The following MYO1E variants were observed in gnomAD, a reference collection of about 807,000 sequenced individuals.
MYO1E encodes the protein unconventional myosin-Ie.
MYO1E carries 68 observed loss-of-function variants against 151.1 expected under a neutral mutation model. The ratio of observed to expected loss-of-function variants is 0.45; its 90% confidence interval spans 0.37 to 0.55. The LOEUF is 0.55. MYO1E is among the 20% of genes least tolerant of loss of function. The probability of loss-of-function intolerance (pLI) is 0.00; values close to 1 mark genes in which losing one functional copy is unlikely to be tolerated. For synonymous variants in MYO1E, 601 were observed against 501.7 expected, an observed-to-expected ratio of 1.20 and a Z score of -2.64; for missense variants, 1,363 against 1,389.3, an observed-to-expected ratio of 0.98 and a Z score of 0.30.
chr15:59,231,653 TCAA>T, intron 6 of MYO1E, 46 bp downstream of exon 6: 1 of 1,579,162 alleles, frequency 6.3e-7, no homozygotes, highest in Middle Eastern at 1.7e-4. Flanking sequence ...GTCAGAAGCA[TCAA>T]CATCATCAAT....
chr15:59,292,976 A>C (rs1388713018), intron 1 of MYO1E, among the ~76,000 whole-genome samples: 1 of 152,132 alleles, frequency 6.6e-6, no homozygotes, highest in East Asian at 1.9e-4. Context: ...CGGCTCATAA[A>C]CTGTTTAAGC....
intron 12 of MYO1E, among the ~76,000 whole-genome samples, chr15:59,211,871 C>T (rs1355404377): frequency 6.6e-6 from 1 of 152,124 alleles, no homozygotes; most frequent in African/African-American, 2.4e-5. Flanking sequence ...ATGTCTAGCG[C>T]AGTCTCCTGC....
intron 2 of MYO1E, among the ~76,000 whole-genome samples, chr15:59,268,641 T>C (rs1174468899): frequency 2.0e-5 from 3 of 148,880 alleles, no homozygotes; most frequent in African/African-American, 4.9e-5. Flanking sequence ...TGCATGGCCA[T>C]ATGTGGTTAA....
intron 1 of MYO1E, among the ~76,000 whole-genome samples, chr15:59,279,204 C>T (rs1433967960): frequency 4.6e-5 from 7 of 152,136 alleles, no homozygotes; most frequent in African/African-American, 7.2e-5. Flanking sequence ...CCAATATCAT[C>T]GTTAAGTCCA....
chr15:59,371,740 GA>G (rs2140448088), intron 1 of MYO1E, among the ~76,000 whole-genome samples: 1 of 152,236 alleles, frequency 6.6e-6, no homozygotes, highest in East Asian at 1.9e-4. Context: ...TCGCGCTTGG[GA>G]AGGGGTGGGG....
At chr15:59,242,400 G>A (rs1015535566) in intron 4 of MYO1E, among the ~76,000 whole-genome samples, 64 of 152,242 alleles carry the variant, frequency 4.2e-4, no homozygotes, top group African/African-American at 1.5e-3. Context: ...CAGCTGGAAG[G>A]GGTTCCCACT....
In MYO1E at chr15:59,272,380, C is replaced by T. The variant is rs770670577; in HGVS notation, c.73G>A (p.Val25Met). ...NVKHSGVDDM[V>M]LLSKITENSI... ...TTCTCTGTGATCTTGGACAGTAGCA[C>T]CATGTCGTCCACACCACTGTGCTTG... The change falls in exon 2 of 28, where the codon GTG (valine) becomes ATG (methionine). Residue 25 changes from valine (V) to methionine (M), a missense_variant. By Grantham distance (21) the Val-to-Met change is conservative. Transcript: ENST00000288235. 19 of 1,614,048 alleles carry T rather than the reference C, an allele frequency of 1.2e-5. No homozygotes were observed. The highest frequency in any genetic ancestry group is 2.2e-5 in the East Asian group (1 of 44,894).
At chr15:59,200,934 C>T (rs898609379) in intron 16 of MYO1E, among the ~76,000 whole-genome samples, 12 of 152,050 alleles carry the variant, frequency 7.9e-5, no homozygotes, top group Admixed American at 4.6e-4. Context: ...CGAACACAGG[C>T]GAGCAAACTC....
At chr15:59,360,354 AG>A (rs1312769374) in intron 1 of MYO1E, among the ~76,000 whole-genome samples, 2 of 151,728 alleles carry the variant, frequency 1.3e-5, no homozygotes, top group Admixed American at 6.6e-5. Context: ...CTTTCAACCA[AG>A]GGGAAAAAAA....
chr15:59,205,241 C>G (rs1017572593), intron 15 of MYO1E, among the ~76,000 whole-genome samples, 159 bp downstream of exon 15: 6 of 152,128 alleles, frequency 3.9e-5, no homozygotes, highest in Admixed American at 6.5e-5. Context: ...CAGCTCAGTG[C>G]AGCCTCAAAC....
intron 1 of MYO1E, among the ~76,000 whole-genome samples, chr15:59,321,258 T>G (rs1156740947): frequency 1.3e-5 from 2 of 152,234 alleles, no homozygotes; most frequent in Non-Finnish European, 2.9e-5. Flanking sequence ...TCAGTCACTG[T>G]GGAAAGCAGC....
At position 59,205,508 on chromosome 15, in the gene MYO1E, C is replaced by T. The variant is rs771903798; in HGVS notation, c.1531-23G>A. On this transcript the variant is annotated intron_variant, in intron 14 of 27. Coordinates refer to ENST00000288235, the MANE Select transcript of MYO1E (RefSeq NM_004998.4). ...TACCTGGCCAAGAATGGAAAGAAAT[C>T]GAATTTCATTGAACAAAATGTAATT... 4.0e-5 allele frequency: 60 copies of T among 1,492,354 alleles called. No individual in the cohort carries two copies. The African/African-American group carries it at 6.4e-4, about 16-fold the overall frequency. 92.4% of individuals were successfully genotyped at this position (1,492,354 alleles called of 1,614,324 possible). A position where few individuals can be genotyped will look rare whatever the true frequency, so the allele number is the denominator to read the frequency against.
chr15:59,354,030 A>ACT (rs1423652918), intron 1 of MYO1E, among the ~76,000 whole-genome samples: 1 of 151,864 alleles, frequency 6.6e-6, no homozygotes, highest in East Asian at 1.9e-4. Context: ...ACTAAGAAAA[A>ACT]CCCCCATTTG....
intron 4 of MYO1E, among the ~76,000 whole-genome samples, chr15:59,251,321 T>C (rs2080163813): frequency 6.6e-6 from 1 of 152,150 alleles, no homozygotes; most frequent in African/African-American, 2.4e-5. Context: ...AAGAAGCAAT[T>C]AGACAAATGT....
intron 6 of MYO1E, among the ~76,000 whole-genome samples, chr15:59,229,061 T>C (rs1380587050): frequency 1.3e-5 from 2 of 152,230 alleles, no homozygotes; most frequent in African/African-American, 4.8e-5. Flanking sequence ...GCTCCCGTGC[T>C]TCCTTTGGCG....
intron 1 of MYO1E, among the ~76,000 whole-genome samples, chr15:59,315,076 G>T (rs186289437): frequency 2.6e-5 from 4 of 152,116 alleles, no homozygotes; most frequent in Admixed American, 2.6e-4. Context: ...GAGCCTGGGG[G>T]CCACCAGCTT....
intron 1 of MYO1E, among the ~76,000 whole-genome samples, chr15:59,329,671 G>A (rs1338062024): frequency 1.3e-5 from 2 of 152,116 alleles, no homozygotes; most frequent in Non-Finnish European, 2.9e-5. Flanking sequence ...ACTGCCAGCC[G>A]TCAAATGCTG....
chr15:59,178,604 A>T, intron 18 of MYO1E, 67 bp from the exon 19 acceptor site: 2 of 1,577,812 alleles, frequency 1.3e-6, no homozygotes, highest in South Asian at 1.2e-5. Context: ...TACCCGGGCA[A>T]GGCAGCAAGA....
intron 12 of MYO1E, among the ~76,000 whole-genome samples, chr15:59,211,383 C>G (rs1253619037): frequency 6.6e-6 from 1 of 152,084 alleles, no homozygotes; most frequent in Non-Finnish European, 1.5e-5. Flanking sequence ...TTTCTTATTT[C>G]CAGACCTTTA....
Sources: gnomAD v4.1 joint callset for allele counts (sites outside exome capture counted in the v4.1 genomes callset) on GRCh38, gnomAD v4.1.1 for gene constraint, MANE v1.5 for transcripts, NCBI Gene and HGNC (gene_info 2026-07-23, HGNC 2026-07-21) for gene names.